KMT2A: variants seen among roughly 807,000 people sequenced by gnomAD.
KMT2A encodes the protein histone-lysine N-methyltransferase 2A.
In KMT2A, 16 loss-of-function variants were observed where a neutral mutation model predicts 345.3. That is an observed-to-expected ratio of 0.05 (90% CI 0.03 to 0.07). The LOEUF is 0.07. Among genes scored for constraint, KMT2A ranks in the 10% least tolerant of loss-of-function variants. The pLI, the probability that KMT2A is intolerant of heterozygous loss-of-function variation, is 1.00. For missense variants in KMT2A, 3,272 were observed against 4,841.6 expected, an observed-to-expected ratio of 0.68 and a Z score of 9.62; for synonymous variants, 1,599 against 1,778.6, an observed-to-expected ratio of 0.90 and a Z score of 2.54.
Position 118,496,185 on chromosome 11 carries a change from T to C in KMT2A, c.5558-76T>C. 1 of 1,096,640 alleles carries C rather than the reference T, an allele frequency of 9.1e-7. No homozygotes were observed. The highest frequency in any genetic ancestry group is 1.4e-6 in the Non-Finnish European group (1 of 716,504). 67.9% of individuals were successfully genotyped at this position (1,096,640 alleles called of 1,614,324 possible). ...CTATGTAAGCTGAATTATTTCTTTT[T>C]TCCTTGAAATCAGACATAGTATTGC... On this transcript the variant is annotated intron_variant, in intron 19 of 35. Transcript: ENST00000534358. The surrounding 1 kb of genome is among the most constrained non-coding windows in gnomAD (Gnocchi z 4.7).
rs896676678 is a variant in KMT2A, at chr11:118,455,655, C to T, written c.433-13120C>T. ...CATCTGATTTTCTTCCCCCTCTCTG[C>T]CCCTTATTATTATTATTTTTTTTTA... On this transcript the variant is annotated intron_variant, in intron 1 of 35. Coordinates refer to ENST00000534358, the MANE Select transcript of KMT2A (RefSeq NM_001197104.2). Among the ~76,000 whole-genome samples, 8 of 151,300 alleles carry T rather than the reference C, an allele frequency of 5.3e-5. No homozygotes were observed. The East Asian group carries it at 1.5e-3, about 29-fold the overall frequency.
At chr11:118,454,186 TC>T (rs1276761000) in intron 1 of KMT2A, among the ~76,000 whole-genome samples, 1 of 152,172 alleles carries the variant, frequency 6.6e-6, no homozygotes, top group Non-Finnish European at 1.5e-5. Flanking sequence ...TGGTATCAAA[TC>T]CTATTCCTTC....
In KMT2A at chr11:118,520,582, C is replaced by T. The variant is rs911355739; in HGVS notation, c.11430-220C>T. The T allele has an allele frequency of 7.6e-6, 4 of 526,666 alleles. No individual in the cohort carries two copies. Among genetic ancestry groups the T allele is most frequent in the Non-Finnish European group, 1.4e-5 (4 of 291,008 alleles). 32.6% of individuals were successfully genotyped at this position (526,666 alleles called of 1,614,324 possible). On this transcript the variant is annotated intron_variant, in intron 33 of 35. Coordinates refer to ENST00000534358, the MANE Select transcript of KMT2A (RefSeq NM_001197104.2). The surrounding 1 kb of genome is among the most constrained non-coding windows in gnomAD (Gnocchi z 4.3). ...AAGAGAATCGCTTGAACCCAGGAGG[C>T]GGAGGTTACAGTGAGCCGAGATCGC...
At position 118,502,724 on chromosome 11, in the gene KMT2A, A is replaced by T. The variant is rs1555046179; in HGVS notation, c.6832A>T (p.Asn2278Tyr). The change falls in exon 27 of 36, where the codon AAT becomes TAT. Residue 2278 changes from asparagine to tyrosine, a missense_variant. This residue lies in a region of KMT2A where 445 missense variants were observed against 500.9 expected (regional missense o/e 0.89). Transcript: ENST00000534358. This position sits in a 1 kb window ranked among gnomAD's most constrained non-coding sequence, Gnocchi z 4.9. ...GCAAAGGACAGTGGTTACTGTAGGC[A>T]ATAAAAACAGTCACTTGGATGGATC... ...NLQRTVVTVG[N>Y]KNSHLDGSSS... The T allele has an allele frequency of 2.5e-6, 4 of 1,614,180 alleles. No homozygotes were observed. Among genetic ancestry groups the T allele is most frequent in the Non-Finnish European group, 3.4e-6 (4 of 1,180,032 alleles).
Position 118,499,159 on chromosome 11 carries a change from G to C in KMT2A, c.5962-144G>C, listed in dbSNP as rs9332829. On this transcript the variant is annotated intron_variant, in intron 22 of 35. Transcript: ENST00000534358. ...TGTTCCTAGAGGCACCACCTCTTTT[G>C]GGAAATACAGAAGTGTCCTGCTAAG... is the stretch of plus-strand genomic sequence containing the variant. The C allele has an allele frequency of 6.3e-4, 383 of 610,034 alleles. 3 individuals carry two copies. In the African/African-American group the frequency reaches 6.7e-3, roughly 11 times the overall value. The allele number at this position is 610,034 out of a possible 1,614,324, so 37.8% of individuals were successfully genotyped here. A position where few individuals can be genotyped will look rare whatever the true frequency, so the allele number is the denominator to read the frequency against.
In KMT2A at chr11:118,494,746, A is replaced by G; in HGVS notation, c.5342A>G (p.Glu1781Gly). The change falls in exon 18 of 36, where the codon GAG becomes GGG. Residue 1781 changes from glutamate (E) to glycine (G), a missense_variant. Physicochemically the swap from Glu to Gly is moderately conservative, Grantham distance 98 (BLOSUM62 -2). This residue lies in a region of KMT2A where 235 missense variants were observed against 503.4 expected (regional missense o/e 0.47). Coordinates refer to ENST00000534358, the MANE Select transcript of KMT2A (RefSeq NM_001197104.2). The surrounding 1 kb of genome is among the most constrained non-coding windows in gnomAD (Gnocchi z 5.8). ...WFSVKKSRFW[E>G]PNKVSSNSGM... ...AGTGTCAAAAAGTCCAGGTTTTGGG[A>G]GCCAAATAAAGTATCAAGCAAGTAA... is the stretch of plus-strand genomic sequence containing the variant. 1.2e-6 allele frequency: 2 copies of G among 1,613,838 alleles called. No individual in the cohort carries two copies.
At chr11:118,446,639 C>G (rs1488617147) in intron 1 of KMT2A, among the ~76,000 whole-genome samples, 1 of 152,118 alleles carries the variant, frequency 6.6e-6, no homozygotes, top group Non-Finnish European at 1.5e-5. Context: ...TCATTTGTCC[C>G]TGCTGTTCTG....
At position 118,491,617 on chromosome 11, in the gene KMT2A, A is replaced by G. The variant is rs1300285728; in HGVS notation, c.4820-127A>G. ...GAGATCAATATGTGTCATATCCATG[A>G]GGACATTAAAATCTTAATGTGGTTC... On this transcript the variant is annotated intron_variant, in intron 14 of 35. Coordinates refer to ENST00000534358, the MANE Select transcript of KMT2A (RefSeq NM_001197104.2). This position sits in a 1 kb window ranked among gnomAD's most constrained non-coding sequence, Gnocchi z 4.2. The G allele has an allele frequency of 1.4e-6, 1 of 724,188 alleles. No homozygotes were observed. Among genetic ancestry groups the G allele is most frequent in the Non-Finnish European group, 2.2e-6 (1 of 452,912 alleles). 44.9% of individuals were successfully genotyped at this position (724,188 alleles called of 1,614,324 possible).
rs1555043714 is a variant in KMT2A at position 118,495,408 on chromosome 11, A to C, written c.5364-292A>C. On this transcript the variant is annotated intron_variant, in intron 18 of 35. Transcript: ENST00000534358. The surrounding 1 kb of genome is among the most constrained non-coding windows in gnomAD (Gnocchi z 4.1). ...CTTGACCTGGTGATCCGCCTGCCTCACCCTCCCAAAAGTGCTGGGATTACA... is the reference window on the plus strand; with the variant it reads ...CTTGACCTGGTGATCCGCCTGCCTCCCCCTCCCAAAAGTGCTGGGATTACA... Among the ~76,000 whole-genome samples, 1 of 151,268 alleles carries C rather than the reference A, an allele frequency of 6.6e-6. No individual in the cohort carries two copies. Among genetic ancestry groups the C allele is most frequent in the African/African-American group, 2.4e-5 (1 of 41,108 alleles).
In KMT2A at chr11:118,494,628, A is replaced by G; in HGVS notation, c.5290-66A>G. 1 of 1,402,634 alleles carries G rather than the reference A, an allele frequency of 7.1e-7. No homozygotes were observed. Among genetic ancestry groups the G allele is most frequent in the Non-Finnish European group, 1.0e-6 (1 of 999,586 alleles). 86.9% of individuals were successfully genotyped at this position (1,402,634 alleles called of 1,614,324 possible). A position where few individuals can be genotyped will look rare whatever the true frequency, so the allele number is the denominator to read the frequency against. ...TCGTATTAACAGAGAAGCTGGTTTG[A>G]AGATTTTTCATGTGGTATCTAAATG... On this transcript the variant is annotated intron_variant, in intron 17 of 35. Coordinates refer to ENST00000534358, the MANE Select transcript of KMT2A (RefSeq NM_001197104.2). The surrounding 1 kb of genome is among the most constrained non-coding windows in gnomAD (Gnocchi z 5.8).
intron 1 of KMT2A, chr11:118,439,158 C>CAAAAAAAAAAAAACAGA: frequency 3.8e-6 from 1 of 265,450 alleles, no homozygotes; most frequent in Non-Finnish European, 7.5e-6. Flanking sequence ...GATACAGCAG[C>CAAAAAAAAAAAAACAGA]AAAAAAAAAA....
chr11:118,459,315 T>G (rs1555031826), intron 1 of KMT2A, among the ~76,000 whole-genome samples: 1 of 152,092 alleles, frequency 6.6e-6, no homozygotes, highest in Admixed American at 6.6e-5. Flanking sequence ...GATCCATCCA[T>G]CTCAGCCTCC....
At position 118,478,011 on chromosome 11, in the gene KMT2A, C is replaced by T. The variant is rs1239282977; in HGVS notation, c.3379C>T (p.Pro1127Ser). 6.2e-7 allele frequency: 1 copy of T among 1,614,072 alleles called. No homozygotes were observed. The highest frequency in any genetic ancestry group is 8.5e-7 in the Non-Finnish European group (1 of 1,180,000). ...CTCAGAAGATGCTGAACCTCTTGCT[C>T]CACCCATCAAACCAATTAAACCTGT... Reference protein sequence around the residue: ...AGSEDAEPLAPPIKPIKPVTR... With the variant: ...AGSEDAEPLASPIKPIKPVTR... Residue 1127 changes from proline to serine, a missense_variant, in exon 5 of 36, where the codon CCA becomes TCA. Physicochemically the swap from Pro to Ser is moderately conservative, Grantham distance 74. This residue lies in a region of KMT2A where 33 missense variants were observed against 46.5 expected (regional missense o/e 0.71). Coordinates refer to ENST00000534358, the MANE Select transcript of KMT2A (RefSeq NM_001197104.2).
rs1555036567 is a variant in KMT2A, at chr11:118,473,623, G to A, written c.2464G>A (p.Ala822Thr). Residue 822 changes from alanine (A) to threonine (T), a missense_variant, in exon 3 of 36, where the codon GCT (alanine) becomes ACT (threonine). By Grantham distance (58) the Ala-to-Thr change is moderately conservative. Around this residue, in one of 27 missense-constraint regions of KMT2A, gnomAD observed 209 missense variants for 237.4 expected, o/e 0.88. Coordinates refer to ENST00000534358, the MANE Select transcript of KMT2A (RefSeq NM_001197104.2). This position sits in a 1 kb window ranked among gnomAD's most constrained non-coding sequence, Gnocchi z 5.2. The part of the protein sequence containing the change: ...KNQRPRKQTS[A>T]PAEPFSSSSP... ...TCAGAGACCAAGGAAGCAGACTAGT[G>A]CTCCGGCAGAGCCATTTTCATCAAG... is the stretch of plus-strand genomic sequence containing the variant. The A allele has an allele frequency of 6.2e-7, 1 of 1,614,094 alleles. No homozygotes were observed. Among genetic ancestry groups the A allele is most frequent in the South Asian group, 1.1e-5 (1 of 91,088 alleles).
chr11:118,455,195 G>C (rs1334015548), intron 1 of KMT2A, among the ~76,000 whole-genome samples: 4 of 152,008 alleles, frequency 2.6e-5, no homozygotes, highest in Admixed American at 6.6e-5. Context: ...CCAGCCCCTA[G>C]TGTCTTTTAT....
Position 118,511,534 on chromosome 11 carries a change from T to G in KMT2A, c.11072-417T>G, listed in dbSNP as rs80320757. On this transcript the variant is annotated intron_variant, in intron 30 of 35. Coordinates refer to ENST00000534358, the MANE Select transcript of KMT2A (RefSeq NM_001197104.2). ...GATTTTCTAGTTCTGCCTCTTAACT[T>G]TAAGGAACAGAGAGGTTATGATCTT... Among the ~76,000 whole-genome samples the G allele has an allele frequency of 1.5e-3, 222 of 152,260 alleles. 1 individual carries two copies. Among genetic ancestry groups the G allele is most frequent in the African/African-American group, 5.0e-3 (208 of 41,544 alleles).
rs11216872 is a variant in KMT2A at position 118,453,904 on chromosome 11, A to G, written c.433-14871A>G. Among the ~76,000 whole-genome samples the G allele has an allele frequency of 9.1e-3, 1,385 of 152,260 alleles. 24 individuals are homozygous for G. The highest frequency in any genetic ancestry group is 0.032 in the African/African-American group (1,330 of 41,544). The stretch of plus-strand genomic sequence containing the variant: ...TCTTCCTCAAACCTTTTCCATTCCC[A>G]GTCTCTTTGTTTCTTAATTATTCCA... On this transcript the variant is annotated intron_variant, in intron 1 of 35. Transcript: ENST00000534358.
chr11:118,436,526 G>A lies in KMT2A; in HGVS notation c.14G>A (p.Cys5Tyr). Residue 5 changes from cysteine to tyrosine, a missense_variant, in exon 1 of 36, where the codon TGT becomes TAT. Cys to Tyr is a radical substitution (Grantham distance 194). This residue lies in a region of KMT2A where 412 missense variants were observed against 511.0 expected (regional missense o/e 0.81). Coordinates refer to ENST00000534358, the MANE Select transcript of KMT2A (RefSeq NM_001197104.2). This position sits in a 1 kb window ranked among gnomAD's most constrained non-coding sequence, Gnocchi z 6.9. ...CACGGGGCGAACATGGCGCACAGCT[G>A]TCGGTGGCGCTTCCCCGCCCGACCC... is the stretch of plus-strand genomic sequence containing the variant. The part of the protein sequence containing the change: MAHS[C>Y]RWRFPARPGT... 1 of 1,262,346 alleles carries A rather than the reference G, an allele frequency of 7.9e-7. No homozygotes were observed. The highest frequency in any genetic ancestry group is 1.0e-6 in the Non-Finnish European group (1 of 993,496). The allele number at this position is 1,262,346 out of a possible 1,614,324, so 78.2% of individuals were successfully genotyped here. A position where few individuals can be genotyped will look rare whatever the true frequency, so the allele number is the denominator to read the frequency against.
intron 1 of KMT2A, chr11:118,439,157 G>GAAA: frequency 5.1e-6 from 1 of 195,810 alleles, no homozygotes. Flanking sequence ...AGATACAGCA[G>GAAA]CAAAAAAAAA....
Sources: gnomAD v4.1 joint callset for allele counts (sites outside exome capture counted in the v4.1 genomes callset) on GRCh38, gnomAD v4.1.1 for gene constraint, gnomAD v4.1.1 regional missense constraint, Gnocchi (gnomAD v3.1) non-coding constraint, MANE v1.5 for transcripts, NCBI Gene and HGNC (gene_info 2026-07-23, HGNC 2026-07-21) for gene names.